Variants in UBE2E2 observed in about 807,000 individuals in gnomAD.
The protein encoded by UBE2E2 is ubiquitin conjugating enzyme E2 E2, also known as ubiquitin-conjugating enzyme E2 E2.
In UBE2E2, 6 loss-of-function variants were observed where a neutral mutation model predicts 24.7. The observed-to-expected ratio is 0.24, with a 90% CI of 0.13 to 0.48. The LOEUF (loss-of-function observed/expected upper bound fraction) is 0.48, where lower values mean the gene tolerates loss of function less well. Among genes scored for constraint, UBE2E2 ranks in the 20% least tolerant of loss-of-function variants. The pLI is 0.99. For synonymous variants in UBE2E2, 104 were observed against 83.6 expected (o/e 1.24, Z -1.33); for missense variants, 169 against 245.0 (o/e 0.69, Z 2.07).
chr3:23,346,984 T>C (rs1362321943), intron 3 of UBE2E2, among the ~76,000 whole-genome samples: 1 of 152,188 alleles, frequency 6.6e-6, no homozygotes, highest in Non-Finnish European at 1.5e-5. Context: ...CTATGGCCAT[T>C]AGTACTTAGG....
At chr3:23,582,693 C>T (rs1575723346) in intron 5 of UBE2E2, among the ~76,000 whole-genome samples, 1 of 152,150 alleles carries the variant, frequency 6.6e-6, no homozygotes, top group Middle Eastern at 3.4e-3. Flanking sequence ...CACATATATG[C>T]CTTCTTTTGA....
rs1181286099 is a variant in UBE2E2 at position 23,332,682 on chromosome 3, T to G, written c.227+115370T>G. ...TTCCTGGCAGCCAGTGGGGTGTGTG[T>G]GTGTGTGTGTGTGTGTGTGTGTGTG... On this transcript the variant is annotated intron_variant, in intron 3 of 5. Coordinates refer to ENST00000396703, the MANE Select transcript of UBE2E2 (RefSeq NM_152653.4). Among the ~76,000 whole-genome samples the G allele has an allele frequency of 5.0e-3, 304 of 60,724 alleles. 3 individuals carry two copies. Among genetic ancestry groups the G allele is most frequent in the African/African-American group, 0.011 (286 of 26,064 alleles). The allele number at this position is 60,724 out of a possible 152,430, so 39.8% of individuals were successfully genotyped here. A position where few individuals can be genotyped will look rare whatever the true frequency, so the allele number is the denominator to read the frequency against.
intron 3 of UBE2E2, among the ~76,000 whole-genome samples, chr3:23,348,075 A>T (rs939012276): frequency 5.4e-4 from 82 of 152,188 alleles, no homozygotes; most frequent in African/African-American, 1.9e-3. Context: ...GGGGTAGGAC[A>T]CATCTCACCA....
Position 23,484,711 on chromosome 3 carries a change from A to G in UBE2E2, c.228-14897A>G, listed in dbSNP as rs547375361. Among the ~76,000 whole-genome samples the G allele has an allele frequency of 5.9e-5, 9 of 152,336 alleles. No individual in the cohort carries two copies. In the South Asian group the frequency reaches 1.9e-3, roughly 32 times the overall value. The stretch of plus-strand genomic sequence containing the variant: ...AACTCACAGCTTCACATGGCTGGGA[A>G]GGCCTCACAATCATGGCGCGAGGTG... On this transcript the variant is annotated intron_variant, in intron 3 of 5. Transcript: ENST00000396703.
intron 3 of UBE2E2, among the ~76,000 whole-genome samples, chr3:23,478,235 A>G (rs760299524): frequency 2.0e-5 from 3 of 152,254 alleles, no homozygotes; most frequent in Non-Finnish European, 4.4e-5. Flanking sequence ...TGCAAAGATA[A>G]GTAAGACACA....
chr3:23,499,825 G>A, intron 4 of UBE2E2, 85 bp downstream of exon 4: 17 of 1,413,998 alleles, frequency 1.2e-5, no homozygotes, highest in Middle Eastern at 2.0e-4. Flanking sequence ...GCATTCTAGG[G>A]ATGCATGTCT....
At chr3:23,257,675 T>C (rs1390083) in intron 3 of UBE2E2, among the ~76,000 whole-genome samples, 5 of 150,284 alleles carry the variant, frequency 3.3e-5, no homozygotes, top group Non-Finnish European at 5.9e-5. Flanking sequence ...CTGGTTTTAC[T>C]TTTTTTTTGG....
rs1451754620 is a variant in UBE2E2 at position 23,532,667 on chromosome 3, C to T, written c.474C>T (p.Leu158=). Residue 158 remains leucine (L), a synonymous_variant, in exon 5 of 6, where the codon CTC becomes CTT. Transcript: ENST00000396703. ...CTTTAACTATTTCTAAAGTTCTCCTCTCCATCTGCTCACTTCTTACAGATT... is the reference window on the plus strand; with the variant it reads ...CTTTAACTATTTCTAAAGTTCTCCTTTCCATCTGCTCACTTCTTACAGATT... ...SPALTISKVL[L]SICSLLTDCN... is the part of the protein sequence containing the mutation. The T allele has an allele frequency of 6.4e-7, 1 of 1,562,812 alleles. No homozygotes were observed. The highest frequency in any genetic ancestry group is 1.7e-5 in the Admixed American group (1 of 59,736).
chr3:23,298,128 C>T (rs1276243100), intron 3 of UBE2E2, among the ~76,000 whole-genome samples: 1 of 152,152 alleles, frequency 6.6e-6, no homozygotes. Context: ...GATTTTTGTA[C>T]ATTGAATTTG....
At chr3:23,560,723 C>G (rs1695907102) in intron 5 of UBE2E2, among the ~76,000 whole-genome samples, 1 of 152,088 alleles carries the variant, frequency 6.6e-6, no homozygotes, top group African/African-American at 2.4e-5. Flanking sequence ...TCCTCTCCAG[C>G]ATCTGTTGTT....
At chr3:23,472,303 C>T (rs1028748691) in intron 3 of UBE2E2, among the ~76,000 whole-genome samples, 13 of 152,134 alleles carry the variant, frequency 8.5e-5, no homozygotes, top group Non-Finnish European at 1.6e-4. Flanking sequence ...GAGAAATCTA[C>T]TGGAAAATGA....
intron 3 of UBE2E2, among the ~76,000 whole-genome samples, chr3:23,319,228 G>A (rs2125287215): frequency 6.6e-6 from 1 of 152,246 alleles, no homozygotes; most frequent in South Asian, 2.1e-4. Flanking sequence ...TAAACAGGAA[G>A]GAATTGTGTT....
At chr3:23,485,852 G>A (rs1042069302) in intron 3 of UBE2E2, among the ~76,000 whole-genome samples, 1 of 152,206 alleles carries the variant, frequency 6.6e-6, no homozygotes, top group African/African-American at 2.4e-5. Context: ...ATAGAAAATG[G>A]AAATTAGAGC....
chr3:23,321,074 G>C (rs1575559328), intron 3 of UBE2E2, among the ~76,000 whole-genome samples: 1 of 152,240 alleles, frequency 6.6e-6, no homozygotes, highest in African/African-American at 2.4e-5. Flanking sequence ...GCTTGTATCT[G>C]CATCACTGCA....
At position 23,222,252 on chromosome 3, in the gene UBE2E2, A is replaced by G. The variant is rs369661847; in HGVS notation, c.227+4940A>G. On this transcript the variant is annotated intron_variant, in intron 3 of 5. Transcript: ENST00000396703. ...ATTTTCTTTATTCATTCATTTGTTA[A>G]TGGGCACTCAGGTTGGTTCCATATT... Among the ~76,000 whole-genome samples the G allele has an allele frequency of 3.9e-5, 6 of 152,202 alleles. No individual in the cohort carries two copies. In the South Asian group the frequency reaches 8.3e-4, roughly 21 times the overall value.
At chr3:23,536,701 A>T (rs1695272247) in intron 5 of UBE2E2, among the ~76,000 whole-genome samples, 1 of 152,250 alleles carries the variant, frequency 6.6e-6, no homozygotes, top group African/African-American at 2.4e-5. Context: ...TATGGAATTT[A>T]GTTCAAAATA....
At chr3:23,412,680 A>C (rs1697520178) in intron 3 of UBE2E2, among the ~76,000 whole-genome samples, 1 of 152,122 alleles carries the variant, frequency 6.6e-6, no homozygotes, top group Non-Finnish European at 1.5e-5. Context: ...TTCTTTCCTC[A>C]TGCCTTTATT....
chr3:23,379,678 A>G (rs748089558), intron 3 of UBE2E2, among the ~76,000 whole-genome samples: 2 of 152,106 alleles, frequency 1.3e-5, no homozygotes, highest in East Asian at 3.9e-4. Flanking sequence ...AAGATTATGT[A>G]TTTATTGAGT....
intron 3 of UBE2E2, among the ~76,000 whole-genome samples, chr3:23,452,534 G>A (rs1156660932): frequency 2.0e-5 from 3 of 152,154 alleles, no homozygotes; most frequent in Non-Finnish European, 4.4e-5. Flanking sequence ...GGGAATTCTA[G>A]TGCACACTGA....
Sources: allele counts gnomAD v4.1 joint callset (sites outside exome capture counted in the v4.1 genomes callset), GRCh38; gene constraint gnomAD v4.1.1; transcripts MANE v1.5; gene names NCBI Gene and HGNC (gene_info 2026-07-23, HGNC 2026-07-21).